SEMA6D: variants seen among roughly 807,000 people sequenced by gnomAD.
SEMA6D encodes the protein semaphorin-6D.
Under a neutral mutation model 106.6 loss-of-function variants are expected in SEMA6D, and 35 were observed. The ratio of observed to expected loss-of-function variants is 0.33; its 90% CI spans 0.25 to 0.44. The LOEUF is 0.44. Among genes scored for constraint, SEMA6D ranks in the 20% least tolerant of loss-of-function variants. SEMA6D has a pLI of 1.00. For synonymous variants in SEMA6D, 499 were observed against 487.7 expected (o/e 1.02, Z -0.31); for missense variants, 1,185 against 1,345.9 (o/e 0.88, Z 1.87).
rs189527910 is a variant in SEMA6D at position 47,365,061 on chromosome 15, G to C, written c.-238-47332G>C. Among the ~76,000 whole-genome samples, 511 of 152,280 alleles carry C rather than the reference G, an allele frequency of 3.4e-3. 3 individuals carry two copies. The highest frequency in any genetic ancestry group is 4.1e-3 in the Non-Finnish European group (279 of 68,022). ...GGAAGTTGGGAGGAAATTAAAAGCA[G>C]CTTCCAATCATTAGCCCTTCAGCTG... On this transcript the variant is annotated intron_variant, in intron 1 of 19. Transcript: ENST00000558014.
intron 1 of SEMA6D, chr15:47,395,737 C>A (rs1204463955): frequency 6.6e-6 from 1 of 152,190 alleles, no homozygotes; most frequent in Non-Finnish European, 1.5e-5. Flanking sequence ...TTAAAACACA[C>A]AGAAGAAAGC....
chr15:47,512,713 C>T (rs1203160239), intron 3 of SEMA6D, among the ~76,000 whole-genome samples: 3 of 152,172 alleles, frequency 2.0e-5, no homozygotes, highest in Non-Finnish European at 2.9e-5. Flanking sequence ...ACCACTGGGG[C>T]ACAAAGTGGG....
intron 2 of SEMA6D, among the ~76,000 whole-genome samples, chr15:47,439,178 T>G (rs954114342): frequency 1.1e-4 from 16 of 152,158 alleles, no homozygotes; most frequent in African/African-American, 3.1e-4. Flanking sequence ...TGCCAATTAA[T>G]GTGAGCATAT....
chr15:47,215,496 T>TA (rs2030496947), intron 1 of SEMA6D, among the ~76,000 whole-genome samples: 1 of 152,238 alleles, frequency 6.6e-6, no homozygotes, highest in Non-Finnish European at 1.5e-5. Flanking sequence ...GATACTGTTT[T>TA]ATATATGAAT....
intron 1 of SEMA6D, among the ~76,000 whole-genome samples, chr15:47,348,722 A>ACACACACACACACACAC (rs1567016690): frequency 2.7e-5 from 1 of 36,982 alleles, no homozygotes; most frequent in African/African-American, 7.6e-5. Context: ...CACACACCAC[A>ACACACACACACACACAC]CACACAGAGA....
intron 1 of SEMA6D, among the ~76,000 whole-genome samples, chr15:47,196,255 C>T (rs750438366): frequency 2.6e-5 from 4 of 152,160 alleles, no homozygotes; most frequent in East Asian, 3.9e-4. Context: ...GTTCTCAAGG[C>T]GTTTAGTGCC....
At position 47,581,398 on chromosome 15, in the gene SEMA6D, T is replaced by C. The variant is rs182362177; in HGVS notation, c.-86-19467T>C. On this transcript the variant is annotated intron_variant, in intron 3 of 19. Transcript: ENST00000558014. ...AAATAAACAAGATAATTCCATGTAA[T>C]GGGAAGTAGTTTGAGAAAAGTAAAT... The C allele has an allele frequency of 2.3e-3, 1,152 of 492,530 alleles. 14 individuals carry two copies. Among genetic ancestry groups the C allele is most frequent in the African/African-American group, 0.021 (1,070 of 50,304 alleles). 30.5% of individuals were successfully genotyped at this position (492,530 alleles called of 1,614,324 possible).
At chr15:47,751,861 AT>A (rs1221558641) in intron 1 of SEMA6D, among the ~76,000 whole-genome samples, 3 of 152,172 alleles carry the variant, frequency 2.0e-5, no homozygotes, top group African/African-American at 4.8e-5. Flanking sequence ...GAAAAAAAAA[AT>A]CTTCCCTATT....
At chr15:47,655,252 A>G (rs1333924516) in intron 4 of SEMA6D, among the ~76,000 whole-genome samples, 2 of 152,246 alleles carry the variant, frequency 1.3e-5, no homozygotes, top group African/African-American at 4.8e-5. Context: ...TAAATACATT[A>G]CAGATGTCTT....
intron 1 of SEMA6D, among the ~76,000 whole-genome samples, chr15:47,289,552 G>A (rs1374978680): frequency 6.6e-6 from 1 of 152,100 alleles, no homozygotes; most frequent in East Asian, 1.9e-4. Context: ...GGCAAAAAGT[G>A]AGGCTTCAGG....
intron 4 of SEMA6D, among the ~76,000 whole-genome samples, chr15:47,688,605 C>T (rs2078520224): frequency 6.6e-6 from 1 of 152,036 alleles, no homozygotes; most frequent in Admixed American, 6.6e-5. Flanking sequence ...AGGTATTTTC[C>T]AACCTTGAGA....
chr15:47,527,012 C>T (rs544011407), intron 3 of SEMA6D, among the ~76,000 whole-genome samples: 1 of 152,158 alleles, frequency 6.6e-6, no homozygotes, highest in Non-Finnish European at 1.5e-5. Flanking sequence ...GCTGGGGTTA[C>T]AGGCGTGAGC....
chr15:47,229,171 T>G (rs1188717421), intron 1 of SEMA6D, among the ~76,000 whole-genome samples: 1 of 152,036 alleles, frequency 6.6e-6, no homozygotes, highest in Non-Finnish European at 1.5e-5. Flanking sequence ...CATTTCAAAC[T>G]AGAATCAGAT....
At chr15:47,277,243 A>G (rs1036591551) in intron 1 of SEMA6D, among the ~76,000 whole-genome samples, 16 of 152,166 alleles carry the variant, frequency 1.1e-4, no homozygotes, top group African/African-American at 3.9e-4. Flanking sequence ...TTATGCAAAT[A>G]CAGTTAACAA....
chr15:47,415,524 C>G (rs918498952), intron 2 of SEMA6D, among the ~76,000 whole-genome samples: 2 of 152,146 alleles, frequency 1.3e-5, no homozygotes, highest in African/African-American at 4.8e-5. Context: ...TACCCGCTCC[C>G]GTCTCCTTTC....
intron 1 of SEMA6D, among the ~76,000 whole-genome samples, chr15:47,242,603 A>C (rs2032979125): frequency 1.3e-5 from 2 of 152,206 alleles, no homozygotes; most frequent in African/African-American, 4.8e-5. Context: ...TTAAATCTGC[A>C]AAAAACAGAT....
chr15:47,337,957 G>A (rs1400090230), intron 1 of SEMA6D, among the ~76,000 whole-genome samples: 1 of 152,136 alleles, frequency 6.6e-6, no homozygotes, highest in African/African-American at 2.4e-5. Flanking sequence ...CCTGATGGAG[G>A]TCGGTTTTGC....
At chr15:47,222,390 A>G (rs1053511077) in intron 1 of SEMA6D, among the ~76,000 whole-genome samples, 6 of 152,182 alleles carry the variant, frequency 3.9e-5, no homozygotes, top group Admixed American at 3.3e-4. Context: ...TTTTCTTTCC[A>G]GATACCACAG....
intron 1 of SEMA6D, among the ~76,000 whole-genome samples, chr15:47,253,078 T>C (rs1239234752): frequency 6.6e-6 from 1 of 152,180 alleles, no homozygotes; most frequent in Non-Finnish European, 1.5e-5. Flanking sequence ...GACTTTATGA[T>C]AATACCCATT....
Sources: allele counts gnomAD v4.1 joint callset (sites outside exome capture counted in the v4.1 genomes callset), GRCh38; gene constraint gnomAD v4.1.1; transcripts MANE v1.5; gene names NCBI Gene and HGNC (gene_info 2026-07-23, HGNC 2026-07-21).